The following TMED10 variants were observed in gnomAD, a reference collection of about 807,000 sequenced individuals.
TMED10 encodes transmembrane p24 trafficking protein 10.
In TMED10, 7 loss-of-function variants were observed where a neutral mutation model predicts 23.1. The ratio of observed to expected loss-of-function variants is 0.30; its 90% CI spans 0.17 to 0.57. The LOEUF is 0.57. TMED10 is among the 20% of genes least tolerant of loss of function. The pLI, the probability that TMED10 is intolerant of heterozygous loss-of-function variation, is 0.91. For missense variants in TMED10, 162 were observed against 274.8 expected, an observed-to-expected ratio of 0.59 and a Z score of 2.90; for synonymous variants, 113 against 106.9, an observed-to-expected ratio of 1.06 and a Z score of -0.35.
At chr14:75,141,321 A>AT (rs1895820006) in intron 3 of TMED10, among the ~76,000 whole-genome samples, 1 of 152,194 alleles carries the variant, frequency 6.6e-6, no homozygotes, top group African/African-American at 2.4e-5. Context: ...TAGTCTAGAC[A>AT]TAAGTAGTCT....
intron 3 of TMED10, among the ~76,000 whole-genome samples, chr14:75,137,618 T>G (rs1194506238): frequency 2.0e-5 from 3 of 147,282 alleles, no homozygotes. Flanking sequence ...GAGCTTGCAG[T>G]GAGTTGAGAT....
At chr14:75,160,138 C>T (rs549477742) in intron 1 of TMED10, among the ~76,000 whole-genome samples, 80 of 152,292 alleles carry the variant, frequency 5.3e-4, no homozygotes, top group African/African-American at 1.9e-3. Flanking sequence ...GTGGGGCTCA[C>T]TCATATGGCC....
intron 3 of TMED10, 93 bp downstream of exon 3, chr14:75,147,571 T>C: frequency 7.7e-7 from 1 of 1,294,684 alleles, no homozygotes; most frequent in African/African-American, 1.5e-5. Flanking sequence ...CACAGCCCTT[T>C]GGGCAAAGCA....
At chr14:75,144,209 C>A (rs1385970611) in intron 3 of TMED10, among the ~76,000 whole-genome samples, 3 of 152,198 alleles carry the variant, frequency 2.0e-5, no homozygotes, top group Non-Finnish European at 4.4e-5. Flanking sequence ...ATTCTCCCAA[C>A]TGCACAGACA....
At chr14:75,164,642 C>G (rs1041967477) in intron 1 of TMED10, among the ~76,000 whole-genome samples, 3 of 133,928 alleles carry the variant, frequency 2.2e-5, no homozygotes, top group African/African-American at 8.8e-5. Context: ...AGGCTAGTCT[C>G]AAACTCCTGA....
chr14:75,134,791 G>A lies in TMED10; in HGVS notation c.*94C>T. On this transcript the variant is annotated 3_prime_UTR_variant, in exon 5 of 5. Coordinates refer to ENST00000303575, the MANE Select transcript of TMED10 (RefSeq NM_006827.6). ...TGGCAAGAAAGCTCCAACGTGCCTT[G>A]ATGGTGCTGTTGGTAGGATGCCTTA... The A allele has an allele frequency of 6.4e-7, 1 of 1,552,744 alleles. No homozygotes were observed. The highest frequency in any genetic ancestry group is 8.8e-7 in the Non-Finnish European group (1 of 1,133,932).
chr14:75,169,529 G>A (rs542855511), intron 1 of TMED10, among the ~76,000 whole-genome samples: 14 of 152,260 alleles, frequency 9.2e-5, no homozygotes, highest in Non-Finnish European at 1.6e-4. Context: ...GTAGTGGTAC[G>A]CGCCTATAAT....
At chr14:75,165,199 A>G (rs1384083157) in intron 1 of TMED10, among the ~76,000 whole-genome samples, 2 of 152,196 alleles carry the variant, frequency 1.3e-5, no homozygotes, top group Non-Finnish European at 2.9e-5. Context: ...ATGGCTTTAG[A>G]TAGAAAAATA....
At chr14:75,175,085 T>C (rs909150279) in intron 1 of TMED10, among the ~76,000 whole-genome samples, 1 of 147,598 alleles carries the variant, frequency 6.8e-6, no homozygotes, top group Admixed American at 6.8e-5. Context: ...TTCTATTTAG[T>C]ATAACAAAAG....
At chr14:75,172,916 G>A (rs980054707) in intron 1 of TMED10, among the ~76,000 whole-genome samples, 1 of 151,834 alleles carries the variant, frequency 6.6e-6, no homozygotes, top group African/African-American at 2.4e-5. Context: ...AATTTTTAGG[G>A]GGCCAAACCA....
chr14:75,135,193 G>A (rs1895733891), intron 4 of TMED10, among the ~76,000 whole-genome samples, 187 bp from the exon 5 acceptor site: 1 of 152,002 alleles, frequency 6.6e-6, no homozygotes, highest in Admixed American at 6.6e-5. Flanking sequence ...ATCCCAGCCT[G>A]TAATCCCAGC....
intron 1 of TMED10, among the ~76,000 whole-genome samples, chr14:75,152,624 G>T (rs917350188): frequency 3.9e-5 from 6 of 152,152 alleles, no homozygotes; most frequent in African/African-American, 1.4e-4. Flanking sequence ...CACAATACAA[G>T]GACAGCAGGA....
chr14:75,133,391 C>T lies in TMED10; in HGVS notation c.*1494G>A, dbSNP rs1434913165. ...TGGCAAATTAGCACACAAAAAGATA[C>T]TCAACATCATTAGCCATTGGAAATG... is the stretch of plus-strand genomic sequence containing the variant. On this transcript the variant is annotated 3_prime_UTR_variant, in exon 5 of 5. Coordinates refer to ENST00000303575, the MANE Select transcript of TMED10 (RefSeq NM_006827.6). The T allele has an allele frequency of 3.3e-5, 5 of 152,154 alleles. No homozygotes were observed. Among genetic ancestry groups the T allele is most frequent in the Non-Finnish European group, 2.9e-5 (2 of 68,028 alleles). 9.4% of individuals were successfully genotyped at this position (152,154 alleles called of 1,614,324 possible).
chr14:75,148,447 TTATAA>T (rs1175710500), intron 2 of TMED10, among the ~76,000 whole-genome samples: 1 of 151,700 alleles, frequency 6.6e-6, no homozygotes, highest in Non-Finnish European at 1.5e-5. Flanking sequence ...GGGATGCTTC[TTATAA>T]TAGAGTTCAT....
intron 1 of TMED10, among the ~76,000 whole-genome samples, chr14:75,162,173 G>A (rs374491825): frequency 2.6e-5 from 4 of 152,294 alleles, no homozygotes; most frequent in Admixed American, 6.5e-5. Context: ...GCTGAGGCAT[G>A]ACAATCACTT....
chr14:75,143,933 CAAA>C (rs5809695), intron 3 of TMED10, among the ~76,000 whole-genome samples: 8 of 126,190 alleles, frequency 6.3e-5, no homozygotes, highest in Admixed American at 1.7e-4. Context: ...TACTCTGTCT[CAAA>C]AAAAAAAAAA....
At chr14:75,149,656 G>C (rs1448369112) in intron 2 of TMED10, among the ~76,000 whole-genome samples, 1 of 152,240 alleles carries the variant, frequency 6.6e-6, no homozygotes, top group Non-Finnish European at 1.5e-5. Flanking sequence ...ATGGAGCAAA[G>C]GGAAGAGGAG....
intron 2 of TMED10, among the ~76,000 whole-genome samples, chr14:75,149,365 T>C (rs1895928084): frequency 6.6e-6 from 1 of 152,250 alleles, no homozygotes; most frequent in Admixed American, 6.5e-5. Flanking sequence ...TGTGATACCT[T>C]CTGCCATGTT....
chr14:75,168,743 A>G (rs1440001156), intron 1 of TMED10, among the ~76,000 whole-genome samples: 1 of 152,224 alleles, frequency 6.6e-6, no homozygotes, highest in Non-Finnish European at 1.5e-5. Flanking sequence ...AGGCTTCTCA[A>G]GAAGACTAAG....
Sources: allele counts gnomAD v4.1 joint callset (sites outside exome capture counted in the v4.1 genomes callset), GRCh38; gene constraint gnomAD v4.1.1; transcripts MANE v1.5; gene names NCBI Gene and HGNC (gene_info 2026-07-23, HGNC 2026-07-21).